The following CCDC171 variants were observed in gnomAD, a reference collection of about 807,000 sequenced individuals.
CCDC171 encodes the protein coiled-coil domain-containing protein 171.
CCDC171 carries 177 observed loss-of-function variants against 168.2 expected under a neutral mutation model. The ratio of observed to expected loss-of-function variants is 1.05; its 90% CI spans 0.93 to 1.19. The LOEUF (loss-of-function observed/expected upper bound fraction) is 1.19, where lower values mean the gene tolerates loss of function less well. CCDC171 is among the 50% of genes most tolerant of loss of function. The probability of loss-of-function intolerance (pLI) is 0.00; values close to 1 mark genes in which losing one functional copy is unlikely to be tolerated. For synonymous variants in CCDC171, 687 were observed against 540.8 expected (o/e 1.27, Z -3.75); for missense variants, 1,991 against 1,539.0 (o/e 1.29, Z -4.91).
chr9:15,620,924 A>T (rs759996551), intron 6 of CCDC171, among the ~76,000 whole-genome samples: 8 of 151,864 alleles, frequency 5.3e-5, no homozygotes, highest in Non-Finnish European at 8.8e-5. Context: ...GAAGGGCCAG[A>T]TGATGGTTAG....
chr9:15,764,849 C>G (rs1201991388), intron 18 of CCDC171, among the ~76,000 whole-genome samples: 1 of 152,150 alleles, frequency 6.6e-6, no homozygotes. Context: ...AGCCTGCATT[C>G]CACCCAGATT....
chr9:15,926,760 ATTCTC>A (rs1377937627), intron 25 of CCDC171, among the ~76,000 whole-genome samples: 2 of 151,804 alleles, frequency 1.3e-5, no homozygotes, highest in East Asian at 3.9e-4. Context: ...ATCAATAAAT[ATTCTC>A]TTATCTGTGT....
At chr9:15,591,914 A>G in intron 5 of CCDC171, among the ~76,000 whole-genome samples, 1 of 152,276 alleles carries the variant, frequency 6.6e-6, no homozygotes. Flanking sequence ...TATACAATAA[A>G]TATAGAAAAA....
At chr9:16,074,785 C>G in the CCDC171 span, among the ~76,000 whole-genome samples, 1 of 152,132 alleles carries the variant, frequency 6.6e-6, no homozygotes, top group Admixed American at 6.6e-5. Flanking sequence ...CTCAAAATTA[C>G]TGCAGGAAGC....
chr9:15,907,989 A>G (rs1188219932), intron 24 of CCDC171, among the ~76,000 whole-genome samples: 2 of 152,076 alleles, frequency 1.3e-5, no homozygotes, highest in Admixed American at 6.5e-5. Flanking sequence ...GGCAATCATT[A>G]AAAAGTCAGG....
chr9:15,956,800 G>A (rs570759492), intron 25 of CCDC171, among the ~76,000 whole-genome samples: 1 of 152,106 alleles, frequency 6.6e-6, no homozygotes, highest in Admixed American at 6.6e-5. Flanking sequence ...ATGAGTAGAG[G>A]CTGAATTCCA....
At chr9:15,881,853 C>G (rs954636436) in intron 24 of CCDC171, among the ~76,000 whole-genome samples, 1 of 152,136 alleles carries the variant, frequency 6.6e-6, no homozygotes, top group African/African-American at 2.4e-5. Flanking sequence ...CATTTATTAA[C>G]GGCCACTTAG....
intron 24 of CCDC171, among the ~76,000 whole-genome samples, chr9:15,914,789 G>T (rs1394601983): frequency 1.3e-5 from 2 of 152,152 alleles, no homozygotes; most frequent in African/African-American, 4.8e-5. Context: ...AGGTACCCAA[G>T]GGAATCTCCT....
chr9:16,067,768 G>A, the CCDC171 span, among the ~76,000 whole-genome samples: 1 of 152,168 alleles, frequency 6.6e-6, no homozygotes, highest in Non-Finnish European at 1.5e-5. Context: ...AGATCAGATA[G>A]TTGTAGATAT....
Position 15,821,777 on chromosome 9 carries a change from C to CA in CCDC171, c.3268-24923dup, listed in dbSNP as rs1355149350. The stretch of plus-strand genomic sequence containing the variant: ...TACTGCCCAAGGTAATTTATACATT[C>CA]AATGCCATCCCCATCAAGCTACCAA... On this transcript the variant is annotated intron_variant, in intron 21 of 25. Coordinates refer to ENST00000380701, the MANE Select transcript of CCDC171 (RefSeq NM_173550.4). Among the ~76,000 whole-genome samples the CA allele has an allele frequency of 2.6e-5, 3 of 116,266 alleles. 1 individual carries two copies. Among genetic ancestry groups the CA allele is most frequent in the African/African-American group, 9.8e-5 (3 of 30,612 alleles). The allele number at this position is 116,266 out of a possible 152,430, so 76.3% of individuals were successfully genotyped here.
intron 21 of CCDC171, among the ~76,000 whole-genome samples, chr9:15,808,653 A>G (rs1232624384): frequency 1.3e-5 from 2 of 152,174 alleles, no homozygotes; most frequent in African/African-American, 2.4e-5. Flanking sequence ...AAGCAGAGTA[A>G]GGTTAGGATA....
downstream of CCDC171, among the ~76,000 whole-genome samples, chr9:16,066,032 A>T (rs1833986859): frequency 6.6e-6 from 1 of 152,152 alleles, no homozygotes; most frequent in Admixed American, 6.5e-5. Flanking sequence ...TCCTTGACCC[A>T]ATCTAGGTCC....
intron 19 of CCDC171, among the ~76,000 whole-genome samples, chr9:15,778,367 G>A (rs1346333155): frequency 8.7e-5 from 12 of 138,326 alleles, no homozygotes; most frequent in Admixed American, 6.9e-4. Context: ...GGCCAGGCGC[G>A]GTGGCTGATG....
intron 11 of CCDC171, among the ~76,000 whole-genome samples, chr9:15,702,699 G>T (rs1223775990): frequency 6.6e-6 from 1 of 152,152 alleles, no homozygotes; most frequent in Non-Finnish European, 1.5e-5. Context: ...GTAGCTACCT[G>T]CATCGGGGAT....
intron 9 of CCDC171, among the ~76,000 whole-genome samples, chr9:15,672,872 T>G (rs2049226564): frequency 6.6e-6 from 1 of 152,192 alleles, no homozygotes; most frequent in Non-Finnish European, 1.5e-5. Context: ...TTTAAAGTAG[T>G]TTTTTCCAGT....
At chr9:16,025,510 C>T (rs1379767097) in intron 6 of CCDC171, among the ~76,000 whole-genome samples, 3 of 152,098 alleles carry the variant, frequency 2.0e-5, no homozygotes, top group Non-Finnish European at 2.9e-5. Context: ...GATAGTGGCA[C>T]TATTCACAGT....
rs140734185 is a variant in CCDC171 at position 15,607,169 on chromosome 9, A to G, written c.675+12997A>G. 1.2e-4 allele frequency among the ~76,000 whole-genome samples: 18 copies of G among 152,306 alleles called. No homozygotes were observed. In the East Asian group the frequency reaches 2.3e-3, roughly 20 times the overall value. On this transcript the variant is annotated intron_variant, in intron 6 of 25. Transcript: ENST00000380701. ...GGGATTTATATATACTCAATGCCCA[A>G]TATAACCCAGCAATACCATTAATGT...
intron 21 of CCDC171, among the ~76,000 whole-genome samples, chr9:15,801,428 G>T (rs2058815205): frequency 6.6e-6 from 1 of 151,732 alleles, no homozygotes; most frequent in Non-Finnish European, 1.5e-5. Context: ...TTTACTTTAG[G>T]CATATGGAAA....
intron 2 of CCDC171, among the ~76,000 whole-genome samples, chr9:15,569,809 C>T (rs1268165706): frequency 1.3e-4 from 16 of 122,768 alleles, no homozygotes; most frequent in African/African-American, 3.3e-4. Flanking sequence ...AGCGAGACTC[C>T]GTCTCAAAAA....
Sources: gnomAD v4.1 joint callset for allele counts (sites outside exome capture counted in the v4.1 genomes callset) on GRCh38, gnomAD v4.1.1 for gene constraint, MANE v1.5 for transcripts, NCBI Gene and HGNC (gene_info 2026-07-23, HGNC 2026-07-21) for gene names.